The following MARCHF8 variants were observed in gnomAD, a reference collection of about 807,000 sequenced individuals.
MARCHF8 encodes the protein E3 ubiquitin-protein ligase MARCHF8.
In MARCHF8, 40 loss-of-function variants were observed where a neutral mutation model predicts 51.6. The ratio of observed to expected loss-of-function variants is 0.77; its 90% CI spans 0.60 to 1.01. The LOEUF is 1.01. Ranked by LOEUF, MARCHF8 falls within the 50% of genes least tolerant of loss-of-function variation. The pLI, the probability that MARCHF8 is intolerant of heterozygous loss-of-function variation, is 0.00. For missense variants in MARCHF8, 685 were observed against 708.6 expected (o/e 0.97, Z 0.38); for synonymous variants, 263 against 280.3 (o/e 0.94, Z 0.62).
chr10:45,535,427 C>T (rs894620308), upstream of MARCHF8: 1 of 152,214 alleles, frequency 6.6e-6, no homozygotes, highest in Non-Finnish European at 1.5e-5. Flanking sequence ...ATCATTGGTA[C>T]ATGCCCATGA....
intron 2 of MARCHF8, among the ~76,000 whole-genome samples, chr10:45,516,781 G>A (rs1294517163): frequency 6.6e-6 from 1 of 151,922 alleles, no homozygotes; most frequent in African/African-American, 2.4e-5. Flanking sequence ...AAAGAATCAA[G>A]TGTGGCTAAG....
At chr10:45,515,528 A>C (rs945037872) in intron 2 of MARCHF8, among the ~76,000 whole-genome samples, 1 of 152,004 alleles carries the variant, frequency 6.6e-6, no homozygotes, top group Non-Finnish European at 1.5e-5. Context: ...ATCACTTCTG[A>C]ACTTATGTTT....
chr10:45,540,520 T>A (rs1312699316), intron 1 of MARCHF8, among the ~76,000 whole-genome samples: 1 of 152,236 alleles, frequency 6.6e-6, no homozygotes, highest in Non-Finnish European at 1.5e-5. Flanking sequence ...AAGGACTTCA[T>A]GTCTAAAACA....
At chr10:45,565,739 C>G (rs184756702) in intron 1 of MARCHF8, among the ~76,000 whole-genome samples, 3 of 152,118 alleles carry the variant, frequency 2.0e-5, no homozygotes, top group Non-Finnish European at 4.4e-5. Flanking sequence ...TAGTTATGCT[C>G]TATAAAGTCA....
intron 3 of MARCHF8, among the ~76,000 whole-genome samples, chr10:45,475,822 C>T (rs548591639): frequency 1.4e-4 from 21 of 152,246 alleles, no homozygotes; most frequent in African/African-American, 4.1e-4. Context: ...CACTGAGGCC[C>T]AAGGGCAGGC....
chr10:45,565,287 C>T (rs2044352230), intron 1 of MARCHF8, among the ~76,000 whole-genome samples: 2 of 151,850 alleles, frequency 1.3e-5, no homozygotes, highest in African/African-American at 2.4e-5. Flanking sequence ...AAAAATTAAC[C>T]GGGCCTAGTG....
At chr10:45,559,659 T>C (rs982066366) in intron 1 of MARCHF8, among the ~76,000 whole-genome samples, 2 of 152,212 alleles carry the variant, frequency 1.3e-5, no homozygotes, top group African/African-American at 4.8e-5. Context: ...GAACATTAAA[T>C]CTTTGAGATT....
chr10:45,552,866 C>CA (rs760861569), intron 1 of MARCHF8, among the ~76,000 whole-genome samples: 6 of 152,194 alleles, frequency 3.9e-5, no homozygotes, highest in African/African-American at 7.2e-5. Flanking sequence ...CAGTTGTACT[C>CA]ATTCTGCAAT....
intron 3 of MARCHF8, among the ~76,000 whole-genome samples, chr10:45,475,015 C>T (rs1472841515): frequency 6.6e-6 from 1 of 152,176 alleles, no homozygotes; most frequent in Non-Finnish European, 1.5e-5. Context: ...CAAGAAGACA[C>T]CATACTGAGA....
chr10:45,463,100 G>A, intron 5 of MARCHF8, 51 bp downstream of exon 5: 1 of 1,502,986 alleles, frequency 6.7e-7, no homozygotes, highest in Non-Finnish European at 8.9e-7. Flanking sequence ...GCAAGAGGAG[G>A]TTCCTGATGC....
At chr10:45,557,116 CTTTTTTTTTT>C (rs58172142) in intron 1 of MARCHF8, among the ~76,000 whole-genome samples, 3 of 66,208 alleles carry the variant, frequency 4.5e-5, no homozygotes, top group East Asian at 9.5e-4. Context: ...GGTGCCTATT[CTTTTTTTTTT>C]TTTTTTTTTT....
chr10:45,568,461 C>T (rs992938297), intron 1 of MARCHF8, among the ~76,000 whole-genome samples: 4 of 152,126 alleles, frequency 2.6e-5, no homozygotes, highest in Non-Finnish European at 5.9e-5. Context: ...TGGCTCACAC[C>T]CGTAATCTCA....
chr10:45,529,208 G>A (rs566003870), intron 2 of MARCHF8, among the ~76,000 whole-genome samples: 1 of 152,148 alleles, frequency 6.6e-6, no homozygotes, highest in Admixed American at 6.5e-5. Flanking sequence ...TACACTAGTG[G>A]AAGAACACCC....
At chr10:45,560,746 A>G (rs1200592197) in intron 1 of MARCHF8, among the ~76,000 whole-genome samples, 1 of 152,236 alleles carries the variant, frequency 6.6e-6, no homozygotes, top group East Asian at 1.9e-4. Flanking sequence ...TGTAGCAGAC[A>G]TGAAGAGAAC....
intron 2 of MARCHF8, among the ~76,000 whole-genome samples, chr10:45,497,992 C>T (rs2133125426): frequency 6.6e-6 from 1 of 152,186 alleles, no homozygotes; most frequent in Admixed American, 6.5e-5. Flanking sequence ...TTATGGCAGC[C>T]TGAACAGACT....
chr10:45,494,084 T>A (rs2043131060), intron 2 of MARCHF8, among the ~76,000 whole-genome samples: 1 of 152,216 alleles, frequency 6.6e-6, no homozygotes, highest in African/African-American at 2.4e-5. Flanking sequence ...TGGGAAAGAC[T>A]GAGTCTGAGG....
At chr10:45,585,171 G>A (rs1252486181) in intron 1 of MARCHF8, among the ~76,000 whole-genome samples, 1 of 152,178 alleles carries the variant, frequency 6.6e-6, no homozygotes, top group Non-Finnish European at 1.5e-5. Context: ...CACAGCAACA[G>A]AAAACTACTA....
At chr10:45,558,758 C>A (rs1390254899) in intron 1 of MARCHF8, among the ~76,000 whole-genome samples, 4 of 152,134 alleles carry the variant, frequency 2.6e-5, no homozygotes, top group Non-Finnish European at 4.4e-5. Context: ...GACAGTGAGA[C>A]CGGAGAGCAT....
At chr10:45,460,581 T>C (rs1842754946) in intron 6 of MARCHF8, among the ~76,000 whole-genome samples, 2 of 152,250 alleles carry the variant, frequency 1.3e-5, no homozygotes, top group Non-Finnish European at 2.9e-5. Context: ...AAACCTTTTG[T>C]GCTGGGCATC....
Sources: allele counts gnomAD v4.1 joint callset (sites outside exome capture counted in the v4.1 genomes callset), GRCh38; gene constraint gnomAD v4.1.1; transcripts MANE v1.5; gene names NCBI Gene and HGNC (gene_info 2026-07-23, HGNC 2026-07-21).